The following OSBPL9 variants were observed in gnomAD, a reference collection of about 807,000 sequenced individuals.
The protein encoded by OSBPL9 is oxysterol binding protein like 9.
In OSBPL9, 40 loss-of-function variants were observed where a neutral mutation model predicts 106.6. The ratio of observed to expected loss-of-function variants is 0.38; its 90% CI spans 0.29 to 0.49. The LOEUF (loss-of-function observed/expected upper bound fraction) is 0.49, where lower values mean the gene tolerates loss of function less well. OSBPL9 is among the 20% of genes least tolerant of loss of function. The pLI is 0.97. For missense variants in OSBPL9, 609 were observed against 887.2 expected (o/e 0.69, Z 3.98); for synonymous variants, 269 against 295.4 (o/e 0.91, Z 0.92).
chr1:51,553,102 C>G, the OSBPL9 span, among the ~76,000 whole-genome samples: 9,114 of 152,090 alleles, frequency 0.06, 877 homozygotes, highest in African/African-American at 0.2. Flanking sequence ...ACCAGAACAT[C>G]TGGATAGAGC....
In OSBPL9 at chr1:51,781,216, T is replaced by C. The variant is rs776595976; in HGVS notation, c.1309T>C (p.Tyr437His). The change falls in exon 16 of 24, where the codon TAC becomes CAC. Residue 437 changes from tyrosine to histidine, a missense_variant. This residue lies in a region of OSBPL9 where 356 missense variants were observed against 505.8 expected (regional missense o/e 0.70). Coordinates refer to ENST00000428468, the MANE Select transcript of OSBPL9 (RefSeq NM_024586.6). Reference sequence around the variant, plus strand: ...TCGAATGGTTCAGGTTGTGAAATGGTACCTCTCAGCCTTTCATGCGGGAAG... The same window carrying C: ...TCGAATGGTTCAGGTTGTGAAATGGCACCTCTCAGCCTTTCATGCGGGAAG... ...KDRMVQVVKW[Y>H]LSAFHAGRKG... 6.2e-7 allele frequency: 1 copy of C among 1,614,146 alleles called. No individual in the cohort carries two copies. Among genetic ancestry groups the C allele is most frequent in the Non-Finnish European group, 8.5e-7 (1 of 1,180,006 alleles).
rs146915517 is a variant in OSBPL9 at position 51,725,420 on chromosome 1, C to A, written c.318+11341C>A. Among the ~76,000 whole-genome samples the A allele has an allele frequency of 1.3e-3, 202 of 152,304 alleles. 3 individuals are homozygous for A. Among genetic ancestry groups the A allele is most frequent in the Non-Finnish European group, 2.9e-4 (20 of 68,032 alleles). On this transcript the variant is annotated intron_variant, in intron 4 of 23. Coordinates refer to ENST00000428468, the MANE Select transcript of OSBPL9 (RefSeq NM_024586.6). ...TGTAACAATTCCAACATCCCTGCAACATCCAAGTCTAGTTTCGATGCTTAC... is the reference window on the plus strand; with the variant it reads ...TGTAACAATTCCAACATCCCTGCAAAATCCAAGTCTAGTTTCGATGCTTAC...
At chr1:51,519,303 G>A in the OSBPL9 span, 1 of 702,364 alleles carries the variant, frequency 1.4e-6, no homozygotes, top group Non-Finnish European at 2.0e-6. Flanking sequence ...GGAGGCGGAG[G>A]GAGCGGCCGC....
intron 2 of OSBPL9, among the ~76,000 whole-genome samples, chr1:51,658,729 T>C (rs1230462369): frequency 6.6e-6 from 1 of 152,214 alleles, no homozygotes; most frequent in East Asian, 1.9e-4. Flanking sequence ...TAGTGCCCTA[T>C]TTCATTGATA....
chr1:51,637,924 C>T (rs897499974), intron 1 of OSBPL9, among the ~76,000 whole-genome samples: 1 of 152,140 alleles, frequency 6.6e-6, no homozygotes, highest in African/African-American at 2.4e-5. Context: ...CAGGTTTAAT[C>T]TTTGGGTCAA....
chr1:51,628,137 C>T (rs1247818782), intron 1 of OSBPL9, among the ~76,000 whole-genome samples: 1 of 150,628 alleles, frequency 6.6e-6, no homozygotes, highest in East Asian at 1.9e-4. Context: ...AGTGAAAGGT[C>T]TATACAGTAG....
intron 4 of OSBPL9, among the ~76,000 whole-genome samples, chr1:51,737,207 T>G (rs927576470): frequency 3.3e-5 from 5 of 152,076 alleles, no homozygotes; most frequent in Non-Finnish European, 7.4e-5. Flanking sequence ...TGGAAAGGTG[T>G]ATCTGAGCAG....
rs1676324243 is a variant in OSBPL9, at chr1:51,781,285, G to A, written c.1378G>A (p.Glu460Lys). Residue 460 changes from glutamate (E) to lysine (K), a missense_variant, in exon 16 of 24, where the codon GAG (glutamate) becomes AAG (lysine). This residue lies in a region of OSBPL9 where 356 missense variants were observed against 505.8 expected (regional missense o/e 0.70). Coordinates refer to ENST00000428468, the MANE Select transcript of OSBPL9 (RefSeq NM_024586.6). Reference protein sequence around the residue: ...AKKPYNPILGEIFQCHWTLPN... With the variant: ...AKKPYNPILGKIFQCHWTLPN... ...AAAGCCATACAATCCCATTTTGGGCGAGATTTTTCAGTGTCATTGGACATT... is the reference window on the plus strand; with the variant it reads ...AAAGCCATACAATCCCATTTTGGGCAAGATTTTTCAGTGTCATTGGACATT... The A allele has an allele frequency of 1.9e-6, 3 of 1,614,048 alleles. No homozygotes were observed. Among genetic ancestry groups the A allele is most frequent in the Admixed American group, 1.7e-5 (1 of 60,002 alleles).
At chr1:51,772,486 A>G in intron 13 of OSBPL9, 119 bp from the exon 14 acceptor site, 1 of 868,910 alleles carries the variant, frequency 1.2e-6, no homozygotes, top group South Asian at 1.5e-5. Flanking sequence ...ATTGCACTCC[A>G]GCCTGGGCGA....
At chr1:51,585,364 A>G (rs1645241685) in intron 1 of OSBPL9, among the ~76,000 whole-genome samples, 1 of 152,204 alleles carries the variant, frequency 6.6e-6, no homozygotes, top group Non-Finnish European at 1.5e-5. Context: ...GTAGATTAGG[A>G]AAATAATAAT....
intron 3 of OSBPL9, among the ~76,000 whole-genome samples, chr1:51,693,905 A>T (rs538213185): frequency 6.6e-6 from 1 of 152,372 alleles, no homozygotes; most frequent in South Asian, 2.1e-4. Flanking sequence ...CCACAGATAC[A>T]TAATGAGCAA....
intron 1 of OSBPL9, among the ~76,000 whole-genome samples, chr1:51,587,935 TC>T (rs1645254276): frequency 6.6e-6 from 1 of 152,206 alleles, no homozygotes; most frequent in South Asian, 2.1e-4. Flanking sequence ...TTCCAGATGT[TC>T]CCCTCCTTGG....
Position 51,760,760 on chromosome 1 carries a change from C to T in OSBPL9, c.653C>T (p.Ser218Phe). Residue 218 changes from serine to phenylalanine, a missense_variant, in exon 10 of 24, where the codon TCC (serine) becomes TTC (phenylalanine). Around this residue, in one of 5 missense-constraint regions of OSBPL9, gnomAD observed 356 missense variants for 505.8 expected, o/e 0.70. Transcript: ENST00000428468. The stretch of plus-strand genomic sequence containing the variant: ...GAACCTGTGATCAGCACAATGCCTT[C>T]CCAGACTGTGTTACCTCCAGGTAAT... The part of the protein sequence containing the change: ...PLEPVISTMP[S>F]QTVLPPEPVQ... The T allele has an allele frequency of 6.2e-7, 1 of 1,613,824 alleles. No homozygotes were observed. Among genetic ancestry groups the T allele is most frequent in the Non-Finnish European group, 8.5e-7 (1 of 1,179,850 alleles).
At chr1:51,774,410 C>T (rs1027371696) in intron 14 of OSBPL9, among the ~76,000 whole-genome samples, 4 of 152,098 alleles carry the variant, frequency 2.6e-5, no homozygotes, top group Admixed American at 6.5e-5. Context: ...GCTGTGATTG[C>T]CAACAGATTC....
Position 51,745,281 on chromosome 1 carries a change from G to T in OSBPL9, c.319-255G>T, listed in dbSNP as rs145390952. 1.1e-3 allele frequency: 408 copies of T among 386,210 alleles called. 4 individuals carry two copies. The highest frequency in any genetic ancestry group is 8.3e-3 in the African/African-American group (385 of 46,500). The allele number at this position is 386,210 out of a possible 1,614,324, so 23.9% of individuals were successfully genotyped here. On this transcript the variant is annotated intron_variant, in intron 4 of 23. Coordinates refer to ENST00000428468, the MANE Select transcript of OSBPL9 (RefSeq NM_024586.6). ...TGGGGGAGATAAGAAAGTGATTCTGGAGAGAAGAGTAAATCCAATTTGAGC... is the reference window on the plus strand; with the variant it reads ...TGGGGGAGATAAGAAAGTGATTCTGTAGAGAAGAGTAAATCCAATTTGAGC...
At chr1:51,527,171 A>G in the OSBPL9 span, among the ~76,000 whole-genome samples, 1 of 152,182 alleles carries the variant, frequency 6.6e-6, no homozygotes, top group Non-Finnish European at 1.5e-5. Context: ...CTACAACACC[A>G]TGGTCAAGTT....
intron 1 of OSBPL9, among the ~76,000 whole-genome samples, chr1:51,635,979 G>A (rs1645409619): frequency 6.6e-6 from 1 of 151,812 alleles, no homozygotes; most frequent in Non-Finnish European, 1.5e-5. Context: ...ATATTTGTTT[G>A]TTGTACTATA....
At chr1:51,561,570 A>G in the OSBPL9 span, 1 of 152,226 alleles carries the variant, frequency 6.6e-6, no homozygotes, top group Admixed American at 6.5e-5. Context: ...TCAGAAGTCC[A>G]GCATCTGGTG....
chr1:51,607,736 A>C (rs1054669645), intron 2 of OSBPL9, among the ~76,000 whole-genome samples: 1 of 152,230 alleles, frequency 6.6e-6, no homozygotes, highest in East Asian at 1.9e-4. Context: ...ACGGGTTTGC[A>C]GCAAGCTCAA....
Sources: gnomAD v4.1 joint callset for allele counts (sites outside exome capture counted in the v4.1 genomes callset) on GRCh38, gnomAD v4.1.1 for gene constraint, gnomAD v4.1.1 regional missense constraint, MANE v1.5 for transcripts, NCBI Gene and HGNC (gene_info 2026-07-23, HGNC 2026-07-21) for gene names.